The following LAMA2 variants were observed in gnomAD, a reference collection of about 807,000 sequenced individuals.
The protein encoded by LAMA2 is laminin subunit alpha 2, also known as laminin subunit alpha-2.
A neutral mutation model predicts 364.8 loss-of-function variants in LAMA2; 269 were observed. That is an observed-to-expected ratio of 0.74 (90% CI 0.67 to 0.82). The LOEUF (loss-of-function observed/expected upper bound fraction) is 0.82. Among genes scored for constraint, LAMA2 ranks in the 40% least tolerant of loss-of-function variants. The pLI, the probability that LAMA2 is intolerant of heterozygous loss-of-function variation, is 0.00. For synonymous variants in LAMA2, 1,379 were observed against 1,370.6 expected (o/e 1.01, Z -0.14); for missense variants, 3,807 against 3,873.2 (o/e 0.98, Z 0.45).
intron 12 of LAMA2, among the ~76,000 whole-genome samples, chr6:129,214,720 T>C (rs1783316852): frequency 6.6e-6 from 1 of 152,192 alleles, no homozygotes. Context: ...GTGTTAGCTT[T>C]ACAAGTTTGT....
intron 3 of LAMA2, among the ~76,000 whole-genome samples, chr6:129,069,865 C>T (rs1208408219): frequency 6.7e-6 from 1 of 148,522 alleles, no homozygotes; most frequent in Non-Finnish European, 1.5e-5. Flanking sequence ...ATTATATGTA[C>T]TAATGTATTA....
chr6:129,287,717 T>A, intron 18 of LAMA2, 130 bp from the exon 19 acceptor site: 1 of 815,136 alleles, frequency 1.2e-6, no homozygotes, highest in Non-Finnish European at 2.2e-6. Flanking sequence ...TTTAATCACG[T>A]TGCGTTTGAG....
In LAMA2 at chr6:129,486,730, T is replaced by A. The variant is rs936855558; in HGVS notation, c.7898+108T>A. ...AACCTCTGTGTGTGTGGACCTACTA[T>A]GCATTGCAAAAGGATACCGTAGCTT... On this transcript the variant is annotated intron_variant, in intron 56 of 64. Transcript: ENST00000421865. The A allele has an allele frequency of 9.0e-6, 9 of 998,468 alleles. No homozygotes were observed. The African/African-American group carries it at 1.4e-4, about 16-fold the overall frequency. 61.9% of individuals were successfully genotyped at this position (998,468 alleles called of 1,614,324 possible). A position where few individuals can be genotyped will look rare whatever the true frequency, so the allele number is the denominator to read the frequency against.
Position 129,312,957 on chromosome 6 carries a change from A to G in LAMA2, c.3271A>G (p.Thr1091Ala). 2 of 1,614,180 alleles carry G rather than the reference A, an allele frequency of 1.2e-6. No homozygotes were observed. Among genetic ancestry groups the G allele is most frequent in the Non-Finnish European group, 8.5e-7 (1 of 1,179,998 alleles). Residue 1091 changes from threonine (T) to alanine (A), a missense_variant, in exon 23 of 65, where the codon ACA (threonine) becomes GCA (alanine). This residue lies in a region of LAMA2 where 3,333 missense variants were observed against 3,345.7 expected (regional missense o/e 1.00). Coordinates refer to ENST00000421865, the MANE Select transcript of LAMA2 (RefSeq NM_000426.4). ...TCCAAAATTCTCTGGTGCAAAATGTACAGAGTGCAGTCGAGGTCACTGGAA... is the reference window on the plus strand; with the variant it reads ...TCCAAAATTCTCTGGTGCAAAATGTGCAGAGTGCAGTCGAGGTCACTGGAA... ...CHPKFSGAKCTECSRGHWNYP... is the reference protein window; with the variant it reads ...CHPKFSGAKCAECSRGHWNYP...
intron 1 of LAMA2, among the ~76,000 whole-genome samples, chr6:128,903,813 G>A (rs566645043): frequency 1.1e-4 from 16 of 152,306 alleles, no homozygotes; most frequent in South Asian, 2.1e-4. Flanking sequence ...GTGACAGAGC[G>A]TCTGCTGTGG....
intron 40 of LAMA2, among the ~76,000 whole-genome samples, chr6:129,421,527 T>C (rs560080441): frequency 6.6e-6 from 1 of 152,260 alleles, no homozygotes; most frequent in South Asian, 2.1e-4. Context: ...TATAATTAGC[T>C]TAGAAAATGC....
chr6:128,947,293 CTTTAACGTTTTCCGTT>C, intron 1 of LAMA2, among the ~76,000 whole-genome samples: 1 of 152,260 alleles, frequency 6.6e-6, no homozygotes, highest in South Asian at 2.1e-4. Flanking sequence ...TTTTCTGAGG[CTTTAACGTTTTCCGTT>C]TTTAAGACTA....
At chr6:129,455,695 T>C (rs1782926467) in intron 47 of LAMA2, among the ~76,000 whole-genome samples, 1 of 152,174 alleles carries the variant, frequency 6.6e-6, no homozygotes, top group South Asian at 2.1e-4. Flanking sequence ...CAAAATTCTG[T>C]TAATTGAATT....
At position 128,941,438 on chromosome 6, in the gene LAMA2, T is replaced by C. The variant is rs529156759; in HGVS notation, c.112+58081T>C. ...GGATCTGGGATAGGGAGGATGTTTG[T>C]TGAATGAATGAATCAATCAATCCAA... On this transcript the variant is annotated intron_variant, in intron 1 of 64. Coordinates refer to ENST00000421865, the MANE Select transcript of LAMA2 (RefSeq NM_000426.4). Among the ~76,000 whole-genome samples, 9 of 152,248 alleles carry C rather than the reference T, an allele frequency of 5.9e-5. No homozygotes were observed. In the South Asian group the frequency reaches 6.2e-4, roughly 11 times the overall value.
rs762272518 is a variant in LAMA2 at position 129,252,283 on chromosome 6, A to G, written c.2084A>G (p.Asp695Gly). 1.2e-6 allele frequency: 2 copies of G among 1,613,000 alleles called. No homozygotes were observed. The highest frequency in any genetic ancestry group is 1.7e-6 in the Non-Finnish European group (2 of 1,179,184). The change falls in exon 14 of 65, where the codon GAT becomes GGT. Residue 695 changes from aspartate (D) to glycine (G), a missense_variant. By Grantham distance (94) the Asp-to-Gly change is moderately conservative. This residue lies in a region of LAMA2 where 3,333 missense variants were observed against 3,345.7 expected (regional missense o/e 1.00). Transcript: ENST00000421865. The part of the protein sequence containing the change: ...LLQITYSFGM[D>G]AIFRLSSVNL... ...CAAATCACATACAGCTTTGGGATGG[A>G]TGCCATCTTCAGGTAAAATCAAGAA... is the stretch of plus-strand genomic sequence containing the variant.
At chr6:128,936,771 G>T (rs1391331248) in intron 1 of LAMA2, among the ~76,000 whole-genome samples, 6 of 152,180 alleles carry the variant, frequency 3.9e-5, no homozygotes, top group Non-Finnish European at 8.8e-5. Flanking sequence ...ATGATTAGAT[G>T]AAATATGGTG....
chr6:129,025,529 T>C (rs1785751504), intron 1 of LAMA2, among the ~76,000 whole-genome samples: 2 of 152,146 alleles, frequency 1.3e-5, no homozygotes, highest in Admixed American at 1.3e-4. Context: ...GATAGCTTTA[T>C]TAGTAGGTCA....
rs777274086 is a variant in LAMA2, at chr6:129,366,318, A to G, written c.4817A>G (p.Tyr1606Cys). 3 of 1,614,002 alleles carry G rather than the reference A, an allele frequency of 1.9e-6. No homozygotes were observed. The highest frequency in any genetic ancestry group is 2.2e-5 in the East Asian group (1 of 44,870). Residue 1606 changes from tyrosine (Y) to cysteine (C), a missense_variant, in exon 33 of 65, where the codon TAT becomes TGT. Transcript: ENST00000421865. ...CTCACTGGTCCGCTGCCTGCGCCAT[A>G]TAAAATGCTGTATGGTCTTGAAAAT... ...INLTGPLPAP[Y>C]KMLYGLENMT...
chr6:129,490,023 TTAAA>T (rs1257950414), intron 56 of LAMA2, among the ~76,000 whole-genome samples: 3 of 152,164 alleles, frequency 2.0e-5, no homozygotes, highest in Non-Finnish European at 2.9e-5. Flanking sequence ...TAAAAAGCTG[TTAAA>T]TAAATACTTT....
intron 12 of LAMA2, among the ~76,000 whole-genome samples, chr6:129,201,852 T>G (rs73599064): frequency 0.033 from 4,939 of 151,896 alleles, 236 homozygotes; most frequent in African/African-American, 0.1. Context: ...AGAATCAAAT[T>G]ATTAAAAAGA....
chr6:129,032,646 A>G (rs115778447), intron 1 of LAMA2, among the ~76,000 whole-genome samples: 198 of 152,334 alleles, frequency 1.3e-3, no homozygotes, highest in African/African-American at 4.6e-3. Flanking sequence ...AAGAAAACTC[A>G]TTATGTAAAA....
chr6:129,259,046 A>G (rs1232931043), intron 14 of LAMA2, among the ~76,000 whole-genome samples: 1 of 152,110 alleles, frequency 6.6e-6, no homozygotes, highest in Non-Finnish European at 1.5e-5. Flanking sequence ...ATTCCATCCA[A>G]CTGCCTATAT....
At chr6:129,437,952 G>A (rs1781915076) in intron 41 of LAMA2, among the ~76,000 whole-genome samples, 2 of 151,170 alleles carry the variant, frequency 1.3e-5, no homozygotes, top group South Asian at 4.2e-4. Flanking sequence ...AAAAACTAGT[G>A]GAAAGCAGCT....
chr6:129,273,905 TTAA>T (rs1268035768), intron 17 of LAMA2, among the ~76,000 whole-genome samples: 7 of 151,654 alleles, frequency 4.6e-5, no homozygotes, highest in African/African-American at 1.4e-4. Flanking sequence ...TTAGTAAATA[TTAA>T]TAATTACCAA....
Sources: gnomAD v4.1 joint callset for allele counts (sites outside exome capture counted in the v4.1 genomes callset) on GRCh38, gnomAD v4.1.1 for gene constraint, gnomAD v4.1.1 regional missense constraint, MANE v1.5 for transcripts, NCBI Gene and HGNC (gene_info 2026-07-23, HGNC 2026-07-21) for gene names.